The following CCDC7 variants were observed in gnomAD, a reference collection of about 807,000 sequenced individuals.
CCDC7 encodes the protein coiled-coil domain containing 7.
A neutral mutation model predicts 196.9 loss-of-function variants in CCDC7; 183 were observed. That is an observed-to-expected ratio of 0.93 (90% CI 0.82 to 1.05). The LOEUF (loss-of-function observed/expected upper bound fraction) is 1.05, where lower values mean the gene tolerates loss of function less well. Among genes scored for constraint, CCDC7 ranks in the 50% least tolerant of loss-of-function variants. The pLI is 0.00. For synonymous variants in CCDC7, 525 were observed against 484.6 expected (o/e 1.08, Z -1.10); for missense variants, 1,540 against 1,482.2 (o/e 1.04, Z -0.64).
intron 28 of CCDC7, among the ~76,000 whole-genome samples, chr10:32,767,620 A>G (rs1321219355): frequency 1.3e-5 from 2 of 151,912 alleles, no homozygotes; most frequent in Non-Finnish European, 2.9e-5. Context: ...CATGGAACCA[A>G]AAAATCAGCT....
At chr10:32,853,612 G>C (rs1351566972) in intron 40 of CCDC7, among the ~76,000 whole-genome samples, 1 of 152,142 alleles carries the variant, frequency 6.6e-6, no homozygotes, top group Non-Finnish European at 1.5e-5. Flanking sequence ...GTTGAAACTA[G>C]TTTTAATTAT....
intron 4 of CCDC7, 89 bp downstream of exon 5, chr10:32,462,792 G>T: frequency 7.6e-7 from 1 of 1,322,704 alleles, no homozygotes; most frequent in East Asian, 2.5e-5. Context: ...TTTTAAGGGA[G>T]TAGAAGGAAT....
intron 28 of CCDC7, among the ~76,000 whole-genome samples, chr10:32,745,253 TCTC>T (rs1310589408): frequency 6.6e-6 from 1 of 152,216 alleles, no homozygotes; most frequent in Non-Finnish European, 1.5e-5. Flanking sequence ...ACTTGGTTCT[TCTC>T]CTTCAACATT....
intron 18 of CCDC7, among the ~76,000 whole-genome samples, chr10:32,633,213 G>A (rs1315208708): frequency 6.6e-6 from 1 of 151,018 alleles, no homozygotes; most frequent in East Asian, 2.0e-4. Flanking sequence ...GCGCGTGCAC[G>A]CACACACACA....
chr10:32,574,650 A>C, intron 16 of CCDC7: 2 of 409,774 alleles, frequency 4.9e-6, no homozygotes, highest in Non-Finnish European at 7.8e-6. Flanking sequence ...ATTGTTTCAC[A>C]TCATGTGCGT....
At chr10:32,498,685 T>A (rs146597957) in intron 9 of CCDC7, among the ~76,000 whole-genome samples, 11,472 of 152,202 alleles carry the variant, frequency 0.075, 522 homozygotes, top group East Asian at 0.16. Flanking sequence ...GAAAATTCTT[T>A]TCTTTAAGAA....
Position 32,615,663 on chromosome 10 carries a change from A to C in CCDC7, c.1802-18591A>C, listed in dbSNP as rs80176515. Among the ~76,000 whole-genome samples the C allele has an allele frequency of 3.9e-3, 600 of 152,112 alleles. 3 individuals are homozygous for C. The highest frequency in any genetic ancestry group is 0.013 in the African/African-American group (558 of 41,512). ...TTGATTGTTTCCTTTGCTGTACAGA[A>C]GCTTTTTGGTTTAATTAAGTCCCAT... On this transcript the variant is annotated intron_variant, in intron 18 of 41. Transcript: ENST00000639629.
intron 11 of CCDC7, among the ~76,000 whole-genome samples, chr10:32,523,715 G>A (rs1424309636): frequency 6.7e-6 from 1 of 150,248 alleles, no homozygotes; most frequent in Non-Finnish European, 1.5e-5. Flanking sequence ...TGACCTCTTT[G>A]TCATTATATA....
intron 20 of CCDC7, among the ~76,000 whole-genome samples, chr10:32,636,500 T>C (rs1411043160): frequency 6.6e-6 from 1 of 152,306 alleles, no homozygotes; most frequent in African/African-American, 2.4e-5. Context: ...GTCCTTGCGA[T>C]AGTTTGCTGA....
At chr10:32,573,455 T>C (rs1011229570) in intron 16 of CCDC7, among the ~76,000 whole-genome samples, 6 of 152,188 alleles carry the variant, frequency 3.9e-5, no homozygotes, top group African/African-American at 1.4e-4. Context: ...CTGGTCTCTA[T>C]GAAGACATGG....
At chr10:32,561,449 T>C (rs1052082906) in intron 13 of CCDC7, among the ~76,000 whole-genome samples, 2 of 152,152 alleles carry the variant, frequency 1.3e-5, no homozygotes, top group Non-Finnish European at 2.9e-5. Flanking sequence ...TAACAAACTG[T>C]CTCTCAGACC....
At chr10:32,462,007 G>A (rs1028699316) in intron 3 of CCDC7, among the ~76,000 whole-genome samples, 95 of 151,718 alleles carry the variant, frequency 6.3e-4, no homozygotes, top group African/African-American at 2.2e-3. Context: ...CTCGACTTCA[G>A]GTGATCCACC....
intron 8 of CCDC7, among the ~76,000 whole-genome samples, chr10:32,485,435 C>A (rs1007187430): frequency 2.1e-4 from 32 of 152,154 alleles, no homozygotes; most frequent in Middle Eastern, 3.4e-3. Context: ...TTGATCTTTT[C>A]AAAAAATCAG....
intron 24 of CCDC7, among the ~76,000 whole-genome samples, chr10:32,707,877 G>A (rs532080325): frequency 2.4e-4 from 36 of 152,226 alleles, no homozygotes; most frequent in Middle Eastern, 3.4e-3. Flanking sequence ...AATCAATATC[G>A]TGAAAATGGC....
chr10:32,511,259 G>T, intron 9 of CCDC7: 2 of 637,306 alleles, frequency 3.1e-6, no homozygotes, highest in Non-Finnish European at 5.1e-6. Flanking sequence ...TTCTGTGGGG[G>T]GCGGGGGGGG....
At chr10:32,735,947 GCTT>G (rs947266757) in intron 28 of CCDC7, among the ~76,000 whole-genome samples, 1 of 151,956 alleles carries the variant, frequency 6.6e-6, no homozygotes, top group Non-Finnish European at 1.5e-5. Flanking sequence ...AATTTCCTTT[GCTT>G]CTTTGTAAAA....
At chr10:32,593,380 C>G (rs2059978653) in intron 18 of CCDC7, among the ~76,000 whole-genome samples, 1 of 152,126 alleles carries the variant, frequency 6.6e-6, no homozygotes, top group African/African-American at 2.4e-5. Context: ...CCTTTGCTCA[C>G]TTTTTGATGG....
chr10:32,866,953 C>G (rs2136653134), intron 41 of CCDC7, among the ~76,000 whole-genome samples: 1 of 151,642 alleles, frequency 6.6e-6, no homozygotes, highest in East Asian at 1.9e-4. Flanking sequence ...CTGGGATACT[C>G]CTCCCGAAGA....
chr10:32,448,805 G>A (rs546440032), upstream of CCDC7, among the ~76,000 whole-genome samples: 1 of 151,914 alleles, frequency 6.6e-6, no homozygotes, highest in South Asian at 2.1e-4. Context: ...ATTTTCAGTA[G>A]AATTGCTAAT....
Sources: allele counts gnomAD v4.1 joint callset (sites outside exome capture counted in the v4.1 genomes callset), GRCh38; gene constraint gnomAD v4.1.1; transcripts MANE v1.5; gene names NCBI Gene and HGNC (gene_info 2026-07-23, HGNC 2026-07-21).